Variants in NDST4 observed in about 807,000 individuals in gnomAD.
NDST4 encodes N-heparan sulfate sulfotransferase 4.
A neutral mutation model predicts 100.8 loss-of-function variants in NDST4; 63 were observed. The observed-to-expected ratio is 0.62, with a 90% CI of 0.51 to 0.77. The LOEUF (loss-of-function observed/expected upper bound fraction) is 0.77, where lower values mean the gene tolerates loss of function less well. Among genes scored for constraint, NDST4 ranks in the 30% least tolerant of loss-of-function variants. NDST4 has a pLI of 0.00. For synonymous variants in NDST4, 377 were observed against 361.8 expected, an observed-to-expected ratio of 1.04 and a Z score of -0.48; for missense variants, 943 against 1,018.4, an observed-to-expected ratio of 0.93 and a Z score of 1.01.
At chr4:114,965,374 G>T (rs1223230615) in intron 4 of NDST4, among the ~76,000 whole-genome samples, 2 of 151,844 alleles carry the variant, frequency 1.3e-5, no homozygotes, top group Non-Finnish European at 2.9e-5. Flanking sequence ...TGACACTTAA[G>T]GATTTTCCAT....
intron 1 of NDST4, among the ~76,000 whole-genome samples, chr4:115,105,852 T>C (rs1729823259): frequency 6.6e-6 from 1 of 152,158 alleles, no homozygotes; most frequent in African/African-American, 2.4e-5. Context: ...CATAAAAAAG[T>C]ATCTAATATA....
chr4:115,103,479 T>A (rs944432486), intron 1 of NDST4, among the ~76,000 whole-genome samples: 1 of 152,142 alleles, frequency 6.6e-6, no homozygotes, highest in Non-Finnish European at 1.5e-5. Flanking sequence ...TTACAAAGAA[T>A]CTTACTCAAA....
chr4:114,860,936 C>G (rs997086534), intron 7 of NDST4, among the ~76,000 whole-genome samples: 2 of 152,212 alleles, frequency 1.3e-5, no homozygotes, highest in African/African-American at 4.8e-5. Context: ...GATTTCTACT[C>G]TGGCACCAGC....
chr4:114,993,658 T>C (rs1727098607), intron 2 of NDST4, among the ~76,000 whole-genome samples: 1 of 151,988 alleles, frequency 6.6e-6, no homozygotes, highest in Admixed American at 6.6e-5. Flanking sequence ...TGAAGGCAAC[T>C]GCTCATCTAG....
chr4:114,971,062 A>G (rs1560837215), intron 3 of NDST4, among the ~76,000 whole-genome samples: 1 of 151,876 alleles, frequency 6.6e-6, no homozygotes, highest in Non-Finnish European at 1.5e-5. Context: ...AACAACAACA[A>G]AAAACCTGTA....
intron 6 of NDST4, among the ~76,000 whole-genome samples, chr4:114,922,415 C>T (rs183252221): frequency 1.3e-5 from 2 of 152,240 alleles, no homozygotes; most frequent in African/African-American, 2.4e-5. Flanking sequence ...GACAGCCTCC[C>T]CCAGTGGAAA....
At chr4:115,094,432 A>G (rs1220395260) in intron 1 of NDST4, among the ~76,000 whole-genome samples, 1 of 152,176 alleles carries the variant, frequency 6.6e-6, no homozygotes, top group Admixed American at 6.6e-5. Flanking sequence ...GTTGATTGTA[A>G]TAAATAATAA....
At chr4:114,938,472 C>T (rs1332492018) in intron 4 of NDST4, among the ~76,000 whole-genome samples, 1 of 152,018 alleles carries the variant, frequency 6.6e-6, no homozygotes, top group African/African-American at 2.4e-5. Context: ...TCTTTATATC[C>T]CTCCCTTTAA....
chr4:115,002,702 A>G (rs571659403), intron 2 of NDST4, among the ~76,000 whole-genome samples: 4 of 152,274 alleles, frequency 2.6e-5, no homozygotes, highest in African/African-American at 7.2e-5. Flanking sequence ...CAGAAATACC[A>G]TTTGACCCAG....
At chr4:114,934,335 A>G (rs892662043) in intron 6 of NDST4, among the ~76,000 whole-genome samples, 1 of 152,114 alleles carries the variant, frequency 6.6e-6, no homozygotes, top group African/African-American at 2.4e-5. Context: ...GCAGATCACG[A>G]GGTCAGGAGA....
chr4:115,020,083 T>G (rs58947373), intron 2 of NDST4, among the ~76,000 whole-genome samples: 12,819 of 152,078 alleles, frequency 0.084, 1,818 homozygotes, highest in African/African-American at 0.29. Flanking sequence ...TAGAAGAATT[T>G]GAAGAAGTAA....
chr4:115,033,157 A>ATTT (rs1192796806), intron 2 of NDST4, among the ~76,000 whole-genome samples: 111 of 59,936 alleles, frequency 1.9e-3, no homozygotes, highest in East Asian at 8.9e-3. Context: ...ATATATATAT[A>ATTT]TTTTTTTTTT....
chr4:115,068,641 C>CAAA (rs368916587), intron 2 of NDST4, among the ~76,000 whole-genome samples: 23 of 138,202 alleles, frequency 1.7e-4, no homozygotes, highest in Admixed American at 6.6e-4. Context: ...ACCCCATCTC[C>CAAA]AAAAAAAAAA....
chr4:115,103,836 T>G (rs532889935), intron 1 of NDST4, among the ~76,000 whole-genome samples: 5 of 152,118 alleles, frequency 3.3e-5, no homozygotes, highest in Non-Finnish European at 7.4e-5. Flanking sequence ...GTTACACAAT[T>G]CTCAAACATC....
At chr4:114,848,398 G>A (rs987301060) in intron 8 of NDST4, 60 bp from the exon 9 acceptor site, 1 of 1,284,864 alleles carries the variant, frequency 7.8e-7, no homozygotes, top group Non-Finnish European at 1.1e-6. Flanking sequence ...TATTATTTTA[G>A]CATATTTTTG....
chr4:114,949,149 T>G (rs2126231274), intron 4 of NDST4, among the ~76,000 whole-genome samples: 1 of 152,122 alleles, frequency 6.6e-6, no homozygotes, highest in Middle Eastern at 3.4e-3. Flanking sequence ...TATTGACCAC[T>G]TCAAGAATCC....
At chr4:115,055,489 CA>C (rs1728674755) in intron 2 of NDST4, among the ~76,000 whole-genome samples, 1 of 152,108 alleles carries the variant, frequency 6.6e-6, no homozygotes, top group Non-Finnish European at 1.5e-5. Context: ...TGTATCTTTA[CA>C]CTTGTGTTAC....
At chr4:114,886,988 G>C (rs530987592) in intron 6 of NDST4, among the ~76,000 whole-genome samples, 1 of 152,280 alleles carries the variant, frequency 6.6e-6, no homozygotes, top group South Asian at 2.1e-4. Flanking sequence ...GAATTATCTA[G>C]CAGATATACC....
chr4:114,948,834 T>C (rs916855545), intron 4 of NDST4, among the ~76,000 whole-genome samples: 1 of 152,178 alleles, frequency 6.6e-6, no homozygotes, highest in Non-Finnish European at 1.5e-5. Flanking sequence ...TCAGCTACTA[T>C]AGATAAAGTA....
Sources: gnomAD v4.1 joint callset for allele counts (sites outside exome capture counted in the v4.1 genomes callset) on GRCh38, gnomAD v4.1.1 for gene constraint, MANE v1.5 for transcripts, NCBI Gene and HGNC (gene_info 2026-07-23, HGNC 2026-07-21) for gene names.